Variants in C8B observed in about 807,000 individuals in gnomAD.
C8B encodes the protein complement component C8 beta chain.
A neutral mutation model predicts 64.6 loss-of-function variants in C8B; 67 were observed. That is an observed-to-expected ratio of 1.04 (90% CI 0.85 to 1.27). The LOEUF is 1.27. Ranked by LOEUF, C8B falls within the 50% of genes most tolerant of loss-of-function variation. The pLI is 0.00. For synonymous variants in C8B, 284 were observed against 257.7 expected (o/e 1.10, Z -0.98); for missense variants, 790 against 725.2 (o/e 1.09, Z -1.03).
At chr1:56,949,947 C>A (rs1301880701) in intron 5 of C8B, among the ~76,000 whole-genome samples, 195 bp from the exon 6 acceptor site, 1 of 152,040 alleles carries the variant, frequency 6.6e-6, no homozygotes, top group Non-Finnish European at 1.5e-5. Context: ...CTGATCAATA[C>A]CTTGGGTGAA....
At chr1:56,956,548 T>A (rs893810401) in intron 3 of C8B, among the ~76,000 whole-genome samples, 18 of 152,198 alleles carry the variant, frequency 1.2e-4, no homozygotes, top group Admixed American at 1.1e-3. Context: ...CAAGTCTTGA[T>A]TTTTTAAGGT....
At chr1:56,957,479 A>T (rs868564489) in intron 2 of C8B, among the ~76,000 whole-genome samples, 8 of 152,228 alleles carry the variant, frequency 5.3e-5, no homozygotes, top group Admixed American at 1.3e-4. Context: ...CATCTGTAAA[A>T]TAGGGATCAC....
chr1:56,956,468 T>C (rs1175969736), intron 3 of C8B, among the ~76,000 whole-genome samples: 2 of 152,244 alleles, frequency 1.3e-5, no homozygotes, highest in Non-Finnish European at 2.9e-5. Context: ...TGTCAATGAA[T>C]GTAATCTGAA....
rs2101453467 is a variant in C8B at position 56,956,923 on chromosome 1, G to A, written c.250-13C>T. The stretch of plus-strand genomic sequence containing the variant: ...AGGCATACCTGTACTGTAGCAGAGA[G>A]GAGCCAGGTGAACCAAGGGTAAAGC... On this transcript the variant is annotated splice_polypyrimidine_tract_variant and intron_variant, in intron 2 of 11. Transcript: ENST00000371237. 2 of 1,613,990 alleles carry A rather than the reference G, an allele frequency of 1.2e-6. No homozygotes were observed. The highest frequency in any genetic ancestry group is 1.7e-5 in the Admixed American group (1 of 60,002).
chr1:56,941,505 G>C (rs7535307), intron 8 of C8B, among the ~76,000 whole-genome samples: 526 of 29,998 alleles, frequency 0.018, 1 homozygote, highest in African/African-American at 0.05. Context: ...TAGATAGATA[G>C]ATACATAGAT....
intron 1 of C8B, chr1:56,963,930 GTC>G: frequency 1.0e-6 from 1 of 985,308 alleles, no homozygotes; most frequent in Non-Finnish European, 1.2e-6. Context: ...TACGAAGGTG[GTC>G]TCAGCATTTT....
At chr1:56,959,813 G>C (rs1239382228) in intron 2 of C8B, among the ~76,000 whole-genome samples, 2 of 152,222 alleles carry the variant, frequency 1.3e-5, no homozygotes, top group Non-Finnish European at 2.9e-5. Context: ...AGTGAGAAAG[G>C]CTGGGTGTGC....
chr1:56,953,544 C>T (rs1363106521), intron 4 of C8B, among the ~76,000 whole-genome samples: 1 of 152,194 alleles, frequency 6.6e-6, no homozygotes, highest in Non-Finnish European at 1.5e-5. Context: ...GTGGACTGGA[C>T]TTTGAAATCT....
chr1:56,946,713 A>G (rs1644947987), intron 6 of C8B, among the ~76,000 whole-genome samples: 1 of 152,208 alleles, frequency 6.6e-6, no homozygotes, highest in Admixed American at 6.5e-5. Context: ...CTCTCCATGT[A>G]TGGAATAGAC....
At chr1:56,930,866 A>G (rs1327428778) in intron 11 of C8B, among the ~76,000 whole-genome samples, 1 of 152,206 alleles carries the variant, frequency 6.6e-6, no homozygotes, top group Non-Finnish European at 1.5e-5. Context: ...GTATCATTCC[A>G]AACGCTTTAT....
intron 1 of C8B, among the ~76,000 whole-genome samples, chr1:56,965,040 T>A (rs946163045): frequency 5.9e-5 from 9 of 152,250 alleles, no homozygotes; most frequent in Non-Finnish European, 1.2e-4. Context: ...CCAGAGGCTG[T>A]GTCCCATGGG....
At chr1:56,965,422 T>TGTGTGTGA (rs1291732542) in intron 1 of C8B, among the ~76,000 whole-genome samples, 1 of 151,632 alleles carries the variant, frequency 6.6e-6, no homozygotes, top group Non-Finnish European at 1.5e-5. Flanking sequence ...TGTGTGTGTG[T>TGTGTGTGA]GTAAGAAGGG....
rs766831248 is a variant in C8B, at chr1:56,956,948, C to A, written c.250-38G>T. On this transcript the variant is annotated intron_variant, in intron 2 of 11. Transcript: ENST00000371237. Reference sequence around the variant, plus strand: ...GGAGCCAGGTGAACCAAGGGTAAAGCCTTAGATCTCAGGAGCTGAGGGATA... The same window carrying A: ...GGAGCCAGGTGAACCAAGGGTAAAGACTTAGATCTCAGGAGCTGAGGGATA... 8 of 1,612,962 alleles carry A rather than the reference C, an allele frequency of 5.0e-6. No homozygotes were observed. In the East Asian group the frequency reaches 1.1e-4, roughly 22 times the overall value.
intron 5 of C8B, among the ~76,000 whole-genome samples, chr1:56,950,663 C>A (rs976330908): frequency 6.6e-6 from 1 of 152,294 alleles, no homozygotes. Context: ...CTGAGATGCG[C>A]TGTGTCTCTG....
intron 5 of C8B, among the ~76,000 whole-genome samples, chr1:56,951,117 C>G (rs1645014799): frequency 6.6e-6 from 1 of 152,136 alleles, no homozygotes. Flanking sequence ...CTTGCTTTGT[C>G]ACCAAGCTGG....
intron 9 of C8B, among the ~76,000 whole-genome samples, chr1:56,935,665 A>T (rs1298109197): frequency 6.6e-6 from 1 of 152,242 alleles, no homozygotes; most frequent in African/African-American, 2.4e-5. Context: ...TAATCTTTGC[A>T]ACAATCTTAT....
At chr1:56,936,127 C>T (rs965522289) in intron 9 of C8B, among the ~76,000 whole-genome samples, 1 of 152,204 alleles carries the variant, frequency 6.6e-6, no homozygotes. Context: ...TTTACACATA[C>T]ATCTTTACCA....
chr1:56,957,037 T>C, intron 2 of C8B, 127 bp from the exon 3 acceptor site: 1 of 955,804 alleles, frequency 1.0e-6, no homozygotes, highest in Non-Finnish European at 1.6e-6. Flanking sequence ...TGTCTGATCA[T>C]CATTCCCCCA....
intron 9 of C8B, among the ~76,000 whole-genome samples, chr1:56,937,323 A>G (rs1260660521): frequency 6.6e-6 from 1 of 152,182 alleles, no homozygotes; most frequent in Non-Finnish European, 1.5e-5. Flanking sequence ...TGGATCTGTG[A>G]GCAACTACAT....
Sources: gnomAD v4.1 joint callset for allele counts (sites outside exome capture counted in the v4.1 genomes callset) on GRCh38, gnomAD v4.1.1 for gene constraint, MANE v1.5 for transcripts, NCBI Gene and HGNC (gene_info 2026-07-23, HGNC 2026-07-21) for gene names.